TRIM5: variants seen among roughly 807,000 people sequenced by gnomAD.
TRIM5 encodes tripartite motif containing 5.
A neutral mutation model predicts 35.6 loss-of-function variants in TRIM5; 31 were observed. That is an observed-to-expected ratio of 0.87 (90% CI 0.65 to 1.18). The LOEUF (loss-of-function observed/expected upper bound fraction) is 1.18, where lower values mean the gene tolerates loss of function less well. Among genes scored for constraint, TRIM5 ranks in the 50% most tolerant of loss-of-function variants. TRIM5 has a pLI of 0.00. For synonymous variants in TRIM5, 243 were observed against 215.6 expected, an observed-to-expected ratio of 1.13 and a Z score of -1.11; for missense variants, 609 against 591.6, an observed-to-expected ratio of 1.03 and a Z score of -0.31.
the TRIM5 span, among the ~76,000 whole-genome samples, chr11:5,614,050 A>G: frequency 6.6e-6 from 1 of 152,164 alleles, no homozygotes; most frequent in Non-Finnish European, 1.5e-5. Flanking sequence ...CTTGGGGACA[A>G]TTATTAGGGT....
chr11:5,645,897 C>CTATATATATATATA, the TRIM5 span: 1 of 145,162 alleles, frequency 6.9e-6, no homozygotes, highest in African/African-American at 3.1e-5. Context: ...ATATATATAT[C>CTATATATATATATA]TATATATAGA....
the TRIM5 span, chr11:5,641,031 G>A: frequency 7.9e-7 from 1 of 1,272,794 alleles, no homozygotes; most frequent in Non-Finnish European, 1.0e-6. Context: ...CTAGCTAAAT[G>A]TTTGCCAATT....
At chr11:5,629,938 C>G in the TRIM5 span, among the ~76,000 whole-genome samples, 1 of 152,156 alleles carries the variant, frequency 6.6e-6, no homozygotes, top group Non-Finnish European at 1.5e-5. Context: ...GATCTCCTTA[C>G]CTCGTGATCC....
chr11:5,637,171 TA>T, the TRIM5 span, among the ~76,000 whole-genome samples: 9 of 148,980 alleles, frequency 6.0e-5, no homozygotes, highest in East Asian at 5.9e-4. Context: ...AGACTCAGTC[TA>T]AAAAAAAAAG....
At chr11:5,641,155 T>G in the TRIM5 span, 4 of 1,613,552 alleles carry the variant, frequency 2.5e-6, no homozygotes, top group Non-Finnish European at 3.4e-6. Flanking sequence ...ATGTTTTCTC[T>G]TTTCTTTCTA....
rs1166385497 is a variant in TRIM5, at chr11:5,665,381, C to T, written c.910G>A (p.Ala304Thr). The change falls in exon 8 of 8, where the codon GCT becomes ACT. Residue 304 changes from alanine (A) to threonine (T), a missense_variant. Transcript: ENST00000380034. Reference sequence around the variant, plus strand: ...ACAGCACATGAAATGTTGTTTGGAGCCACTGTCACATCAACTGTAGAAAAA... The same window carrying T: ...ACAGCACATGAAATGTTGTTTGGAGTCACTGTCACATCAACTGTAGAAAAA... ...VRRYWVDVTV[A>T]PNNISCAVIS... 6.2e-7 allele frequency: 1 copy of T among 1,608,530 alleles called. No individual in the cohort carries two copies. Among genetic ancestry groups the T allele is most frequent in the East Asian group, 2.2e-5 (1 of 44,842 alleles).
At chr11:5,677,632 C>G (rs1410164335) in intron 4 of TRIM5, among the ~76,000 whole-genome samples, 2 of 152,138 alleles carry the variant, frequency 1.3e-5, no homozygotes, top group African/African-American at 4.8e-5. Flanking sequence ...ATCGCCTGAC[C>G]TCATGACTGG....
chr11:5,626,069 C>G, the TRIM5 span, among the ~76,000 whole-genome samples: 93 of 152,198 alleles, frequency 6.1e-4, no homozygotes, highest in Non-Finnish European at 1.0e-4. Context: ...TCTCACCCTT[C>G]AGAGTTCACT....
the TRIM5 span, among the ~76,000 whole-genome samples, chr11:5,630,590 A>G: frequency 3.0e-3 from 452 of 152,342 alleles, 2 homozygotes; most frequent in African/African-American, 9.9e-3. Context: ...ATTCACTTCC[A>G]TGATTCCTTC....
At chr11:5,638,325 A>G in the TRIM5 span, among the ~76,000 whole-genome samples, 183 of 152,370 alleles carry the variant, frequency 1.2e-3, no homozygotes, top group Middle Eastern at 0.01. Context: ...GAGAGGCCAG[A>G]ATTGTGACAG....
intron 1 of TRIM5, among the ~76,000 whole-genome samples, chr11:5,681,557 G>C (rs1399582293): frequency 6.6e-6 from 1 of 152,082 alleles, no homozygotes; most frequent in Non-Finnish European, 1.5e-5. Context: ...CCCTTATCTT[G>C]TCTCTCCTGC....
At chr11:5,639,454 G>A in the TRIM5 span, among the ~76,000 whole-genome samples, 9 of 151,976 alleles carry the variant, frequency 5.9e-5, no homozygotes, top group Non-Finnish European at 1.3e-4. Flanking sequence ...ACCGAAGAGG[G>A]CGGATCATGA....
At chr11:5,641,402 G>A in the TRIM5 span, 1 of 1,269,252 alleles carries the variant, frequency 7.9e-7, no homozygotes. Flanking sequence ...AGTGGTTGAA[G>A]TTCAGAGCTA....
the TRIM5 span, among the ~76,000 whole-genome samples, chr11:5,602,045 A>G: frequency 6.6e-6 from 1 of 152,152 alleles, no homozygotes; most frequent in Non-Finnish European, 1.5e-5. Flanking sequence ...GCTCTATGCT[A>G]GCTGCCGAAG....
chr11:5,604,538 A>G, the TRIM5 span: 1 of 1,610,352 alleles, frequency 6.2e-7, no homozygotes, highest in Non-Finnish European at 8.5e-7. Context: ...TTCAAGGAGA[A>G]GTTTCAGGAG....
chr11:5,613,974 A>G, the TRIM5 span, among the ~76,000 whole-genome samples: 1 of 152,202 alleles, frequency 6.6e-6, no homozygotes, highest in South Asian at 2.1e-4. Flanking sequence ...GATAATAGTG[A>G]AAGCCAAACT....
chr11:5,679,904 C>T lies in TRIM5; in HGVS notation c.274G>A (p.Val92Ile). The change falls in exon 2 of 8, where the codon GTT becomes ATT. Residue 92 changes from valine to isoleucine, a missense_variant. By Grantham distance (29) the Val-to-Ile change is conservative (BLOSUM62 3). Coordinates refer to ENST00000380034, the MANE Select transcript of TRIM5 (RefSeq NM_033034.3). ...EVKLSPEGQK[V>I]DHCARHGEKL... Reference sequence around the variant, plus strand: ...TCTCCATGGCGTGCACAATGATCAACTTTCTGCCCCTCTGGGCTCAACTTG... The same window carrying T: ...TCTCCATGGCGTGCACAATGATCAATTTTCTGCCCCTCTGGGCTCAACTTG... 6.2e-7 allele frequency: 1 copy of T among 1,614,050 alleles called. No homozygotes were observed. Among genetic ancestry groups the T allele is most frequent in the Non-Finnish European group, 8.5e-7 (1 of 1,180,020 alleles).
the TRIM5 span, among the ~76,000 whole-genome samples, chr11:5,637,908 C>T: frequency 6.6e-6 from 1 of 152,158 alleles, no homozygotes; most frequent in Non-Finnish European, 1.5e-5. Flanking sequence ...CTACATGGTA[C>T]TCATTATTTT....
At chr11:5,665,616 A>G in intron 7 of TRIM5, 40 bp downstream of exon 7, 1 of 1,581,540 alleles carries the variant, frequency 6.3e-7, no homozygotes, top group Non-Finnish European at 8.5e-7. Context: ...TAATAATGAT[A>G]AGCCGCAGGG....
Sources: gnomAD v4.1 joint callset for allele counts (sites outside exome capture counted in the v4.1 genomes callset) on GRCh38, gnomAD v4.1.1 for gene constraint, MANE v1.5 for transcripts, NCBI Gene and HGNC (gene_info 2026-07-23, HGNC 2026-07-21) for gene names.